BIRC6: variants seen among roughly 807,000 people sequenced by gnomAD.
BIRC6 encodes the protein dual E2 ubiquitin-conjugating enzyme/E3 ubiquitin-protein ligase BIRC6.
BIRC6 carries 98 observed loss-of-function variants against 503.3 expected under a neutral mutation model. The observed-to-expected ratio is 0.19, with a 90% CI of 0.17 to 0.23. The LOEUF is 0.23. Among genes scored for constraint, BIRC6 ranks in the 10% least tolerant of loss-of-function variants. The pLI, the probability that BIRC6 is intolerant of heterozygous loss-of-function variation, is 1.00. For missense variants in BIRC6, 5,360 were observed against 5,806.0 expected (o/e 0.92, Z 2.50); for synonymous variants, 2,240 against 2,078.7 (o/e 1.08, Z -2.11).
intron 10 of BIRC6, among the ~76,000 whole-genome samples, chr2:32,425,610 A>G (rs2043401464): frequency 6.6e-6 from 1 of 151,842 alleles, no homozygotes; most frequent in Non-Finnish European, 1.5e-5. Context: ...CATTTGTGAC[A>G]TTTTCAAACT....
chr2:32,583,455 T>A (rs1481324067), intron 66 of BIRC6, among the ~76,000 whole-genome samples: 1 of 152,194 alleles, frequency 6.6e-6, no homozygotes, highest in Non-Finnish European at 1.5e-5. Flanking sequence ...GTTGGCTGGT[T>A]TACTAATAAC....
In BIRC6 at chr2:32,470,157, T is replaced by C. The variant is rs758166116; in HGVS notation, c.6348-11T>C. ...TCTTATTCTTTTCTTTTTTGTTTGT[T>C]TTGTTTTTAGGGTCTTCATGTTACT... is the stretch of plus-strand genomic sequence containing the variant. On this transcript the variant is annotated splice_polypyrimidine_tract_variant and intron_variant, in intron 30 of 73. Coordinates refer to ENST00000421745, the MANE Select transcript of BIRC6 (RefSeq NM_016252.4). 6.7e-7 allele frequency: 1 copy of C among 1,487,714 alleles called. No individual in the cohort carries two copies. Among genetic ancestry groups the C allele is most frequent in the Non-Finnish European group, 8.9e-7 (1 of 1,119,818 alleles). 92.2% of individuals were successfully genotyped at this position (1,487,714 alleles called of 1,614,324 possible). A position where few individuals can be genotyped will look rare whatever the true frequency, so the allele number is the denominator to read the frequency against.
chr2:32,509,962 G>A lies in BIRC6; in HGVS notation c.10205G>A (p.Arg3402Lys), dbSNP rs1270788516. 1 of 1,613,952 alleles carries A rather than the reference G, an allele frequency of 6.2e-7. No individual in the cohort carries two copies. The highest frequency in any genetic ancestry group is 8.5e-7 in the Non-Finnish European group (1 of 1,179,882). ...CTGAAGCTCATAGACATTCTCCTGA[G>A]AAATTGTGCAGCATCAGGCAGTGAT... ...IGLKLIDILL[R>K]NCAASGSDPT... Residue 3402 changes from arginine (R) to lysine (K), a missense_variant, in exon 52 of 74, where the codon AGA (arginine) becomes AAA (lysine). Arg to Lys is a conservative substitution (Grantham distance 26, BLOSUM62 2). Transcript: ENST00000421745.
intron 65 of BIRC6, chr2:32,558,562 C>G (rs1384639999): frequency 2.0e-5 from 3 of 151,910 alleles, no homozygotes; most frequent in African/African-American, 7.3e-5. Flanking sequence ...GATTTATTTC[C>G]ACAGATTAAA....
chr2:32,521,456 C>T (rs1460665075), intron 57 of BIRC6, among the ~76,000 whole-genome samples: 2 of 142,064 alleles, frequency 1.4e-5, no homozygotes, highest in African/African-American at 2.6e-5. Flanking sequence ...TTTTTTCTCT[C>T]TCTCTGTTTT....
intron 26 of BIRC6, 96 bp from the exon 27 acceptor site, chr2:32,467,429 T>C: frequency 1.0e-6 from 1 of 967,544 alleles, no homozygotes; most frequent in Non-Finnish European, 1.6e-6. Flanking sequence ...AGTGAGTTGC[T>C]TTCATATTTT....
chr2:32,397,053 A>G (rs957451232), intron 6 of BIRC6, among the ~76,000 whole-genome samples: 2 of 151,942 alleles, frequency 1.3e-5, no homozygotes, highest in African/African-American at 4.8e-5. Flanking sequence ...TTAACAATAT[A>G]CTGTAATAAA....
chr2:32,465,605 G>T (rs1276159957), intron 26 of BIRC6, among the ~76,000 whole-genome samples: 3 of 152,108 alleles, frequency 2.0e-5, no homozygotes, highest in African/African-American at 7.2e-5. Flanking sequence ...AATGTTACCT[G>T]AGTTTGTCTT....
chr2:32,472,003 A>G (rs1447321376), intron 32 of BIRC6, among the ~76,000 whole-genome samples: 1 of 152,252 alleles, frequency 6.6e-6, no homozygotes, highest in East Asian at 1.9e-4. Flanking sequence ...AAAATAATGT[A>G]TATCTATGAT....
intron 8 of BIRC6, among the ~76,000 whole-genome samples, chr2:32,403,607 A>T (rs951835248): frequency 2.6e-5 from 4 of 152,174 alleles, no homozygotes; most frequent in Non-Finnish European, 5.9e-5. Flanking sequence ...TGTAAATGAA[A>T]TTGTTTATGG....
chr2:32,416,320 A>G (rs2042369311), intron 10 of BIRC6, among the ~76,000 whole-genome samples, 157 bp downstream of exon 10: 2 of 152,084 alleles, frequency 1.3e-5, no homozygotes, highest in Non-Finnish European at 2.9e-5. Flanking sequence ...ACTGTTCTTA[A>G]AACTTTTTTC....
intron 46 of BIRC6, 139 bp from the exon 47 acceptor site, chr2:32,501,574 T>G (rs1404142776): frequency 1.7e-6 from 1 of 581,296 alleles, no homozygotes; most frequent in African/African-American, 1.9e-5. Context: ...TTTCACCATG[T>G]TGGCCAGGCT....
At chr2:32,574,330 CCGGTCT>C (rs1436940477) in intron 65 of BIRC6, among the ~76,000 whole-genome samples, 1 of 151,780 alleles carries the variant, frequency 6.6e-6, no homozygotes, top group South Asian at 2.1e-4. Flanking sequence ...GTTGCCCAGG[CCGGTCT>C]CAAACTCCCA....
At chr2:32,536,036 T>C (rs549966287) in intron 61 of BIRC6, among the ~76,000 whole-genome samples, 1 of 152,344 alleles carries the variant, frequency 6.6e-6, no homozygotes, top group African/African-American at 2.4e-5. Flanking sequence ...TGGTTTTGAT[T>C]TGCATTTCTC....
intron 5 of BIRC6, among the ~76,000 whole-genome samples, chr2:32,393,073 T>C (rs115828938): frequency 1.3e-5 from 2 of 152,094 alleles, no homozygotes; most frequent in African/African-American, 4.8e-5. Flanking sequence ...CTTAGGGTAA[T>C]GCAATAAAAG....
At position 32,482,500 on chromosome 2, in the gene BIRC6, A is replaced by G; in HGVS notation, c.7614A>G (p.Gly2538=). 1 of 1,613,886 alleles carries G rather than the reference A, an allele frequency of 6.2e-7. No homozygotes were observed. Among genetic ancestry groups the G allele is most frequent in the Non-Finnish European group, 8.5e-7 (1 of 1,179,816 alleles). ...YGTYNYNPYI[G]GLGIPVAKPP... ...CCTACAATTACAACCCTTACATTGGAGGTCTGGGAATTCCTGTAGCAAAGC... is the reference window on the plus strand; with the variant it reads ...CCTACAATTACAACCCTTACATTGGGGGTCTGGGAATTCCTGTAGCAAAGC... The change falls in exon 39 of 74, where the codon GGA becomes GGG. Residue 2538 remains glycine (G), a synonymous_variant. Coordinates refer to ENST00000421745, the MANE Select transcript of BIRC6 (RefSeq NM_016252.4).
At chr2:32,509,685 C>G in intron 51 of BIRC6, 53 bp from the exon 52 acceptor site, 1 of 1,601,070 alleles carries the variant, frequency 6.2e-7, no homozygotes, top group Non-Finnish European at 8.5e-7. Flanking sequence ...TGTTCTACCC[C>G]GAAGTGATTT....
At chr2:32,422,970 T>A (rs1197180787) in intron 10 of BIRC6, among the ~76,000 whole-genome samples, 2 of 152,212 alleles carry the variant, frequency 1.3e-5, no homozygotes, top group African/African-American at 2.4e-5. Context: ...AGAGTCTTGC[T>A]CTGTTGCCAA....
intron 69 of BIRC6, among the ~76,000 whole-genome samples, chr2:32,599,065 A>G (rs2061872535): frequency 6.8e-6 from 1 of 146,894 alleles, no homozygotes; most frequent in Non-Finnish European, 1.5e-5. Context: ...ATGCTGGCTC[A>G]TGCCTGTAAT....
Sources: allele counts gnomAD v4.1 joint callset (sites outside exome capture counted in the v4.1 genomes callset), GRCh38; gene constraint gnomAD v4.1.1; transcripts MANE v1.5; gene names NCBI Gene and HGNC (gene_info 2026-07-23, HGNC 2026-07-21).